Variants in PPP6R3 observed in about 807,000 individuals in gnomAD.
The protein encoded by PPP6R3 is serine/threonine-protein phosphatase 6 regulatory subunit 3.
Under a neutral mutation model 110.7 loss-of-function variants are expected in PPP6R3, and 38 were observed. The observed-to-expected ratio is 0.34, with a 90% CI of 0.26 to 0.45. PPP6R3 has a LOEUF of 0.45. Ranked by LOEUF, PPP6R3 falls within the 20% of genes least tolerant of loss-of-function variation. PPP6R3 has a pLI of 1.00. For synonymous variants in PPP6R3, 369 were observed against 373.5 expected, an observed-to-expected ratio of 0.99 and a Z score of 0.14; for missense variants, 870 against 1,062.4, an observed-to-expected ratio of 0.82 and a Z score of 2.52.
chr11:68,476,622 A>G (rs1056896447), intron 1 of PPP6R3, among the ~76,000 whole-genome samples: 4 of 152,224 alleles, frequency 2.6e-5, no homozygotes, highest in African/African-American at 7.2e-5. Context: ...AAGTTTTGCT[A>G]TGTATAATTT....
intron 1 of PPP6R3, among the ~76,000 whole-genome samples, chr11:68,479,705 T>C (rs2098887996): frequency 6.6e-6 from 1 of 152,112 alleles, no homozygotes; most frequent in South Asian, 2.1e-4. Context: ...TATGTAGAGT[T>C]CTTATTTCTT....
At chr11:68,544,484 G>A (rs2099338651) in intron 3 of PPP6R3, among the ~76,000 whole-genome samples, 1 of 152,228 alleles carries the variant, frequency 6.6e-6, no homozygotes, top group Non-Finnish European at 1.5e-5. Flanking sequence ...TCCCATGCCA[G>A]AGGAGGCTGT....
intron 1 of PPP6R3, 148 bp from the exon 2 acceptor site, chr11:68,519,353 A>C: frequency 2.7e-6 from 1 of 366,144 alleles, no homozygotes; most frequent in Non-Finnish European, 4.8e-6. Context: ...TTCATATAGA[A>C]AAATTTTAGT....
At chr11:68,525,406 T>A (rs2099191496) in intron 2 of PPP6R3, among the ~76,000 whole-genome samples, 1 of 152,234 alleles carries the variant, frequency 6.6e-6, no homozygotes, top group Admixed American at 6.5e-5. Flanking sequence ...ATAAAGACCA[T>A]TCTCTGTTGA....
chr11:68,546,084 A>G (rs866396598), intron 4 of PPP6R3, among the ~76,000 whole-genome samples: 9 of 152,244 alleles, frequency 5.9e-5, no homozygotes, highest in Non-Finnish European at 2.9e-5. Context: ...AAGTGGATAC[A>G]TGCTTTATTT....
intron 1 of PPP6R3, among the ~76,000 whole-genome samples, chr11:68,463,703 A>G (rs193084460): frequency 3.3e-5 from 5 of 152,362 alleles, no homozygotes; most frequent in African/African-American, 1.2e-4. Context: ...ATGTACTGAA[A>G]AAAAGATCTG....
rs1188325855 is a variant in PPP6R3, at chr11:68,583,027, A to G, written c.1546-16A>G. The G allele has an allele frequency of 4.1e-6, 6 of 1,466,032 alleles. No individual in the cohort carries two copies. Among genetic ancestry groups the G allele is most frequent in the Admixed American group, 2.5e-5 (1 of 40,748 alleles). 90.8% of individuals were successfully genotyped at this position (1,466,032 alleles called of 1,614,324 possible). ...TTTTCTATGTTAAATAGTCTTTTAC[A>G]TTTTTATGCATATAGGTTACAACCT... On this transcript the variant is annotated splice_polypyrimidine_tract_variant and intron_variant, in intron 14 of 23. Transcript: ENST00000393800.
intron 1 of PPP6R3, among the ~76,000 whole-genome samples, chr11:68,463,744 C>G (rs2098725054): frequency 6.6e-6 from 1 of 152,206 alleles, no homozygotes; most frequent in Non-Finnish European, 1.5e-5. Context: ...TTTCATATTT[C>G]TTTCCTTTCT....
intron 13 of PPP6R3, 96 bp from the exon 14 acceptor site, chr11:68,575,862 G>C (rs1438844528): frequency 1.2e-6 from 1 of 826,772 alleles, no homozygotes; most frequent in Non-Finnish European, 1.9e-6. Context: ...TGATGAACCA[G>C]GTGAGTAGGC....
At chr11:68,512,203 G>A (rs1328929644) in intron 1 of PPP6R3, among the ~76,000 whole-genome samples, 1 of 152,172 alleles carries the variant, frequency 6.6e-6, no homozygotes, top group African/African-American at 2.4e-5. Context: ...ATCATAGGCT[G>A]GGTGGCTTAA....
At chr11:68,502,055 T>C (rs584118) in intron 1 of PPP6R3, among the ~76,000 whole-genome samples, 148,756 of 152,336 alleles carry the variant, frequency 0.98, 72,712 homozygotes, top group East Asian at 1. Context: ...TAAGTGAGGA[T>C]TTACTGTGTA....
chr11:68,520,457 A>G (rs943439767), intron 2 of PPP6R3, among the ~76,000 whole-genome samples: 1 of 152,078 alleles, frequency 6.6e-6, no homozygotes, highest in African/African-American at 2.4e-5. Context: ...GCCTGGAGAG[A>G]TACTATGGTG....
chr11:68,556,791 C>T (rs1257706417), intron 7 of PPP6R3, among the ~76,000 whole-genome samples: 1 of 152,136 alleles, frequency 6.6e-6, no homozygotes, highest in African/African-American at 2.4e-5. Flanking sequence ...ATTATTTCTT[C>T]TGGGTTTGGT....
rs189620142 is a variant in PPP6R3, at chr11:68,606,311, T to C, written c.2450+2819T>C. 6.1e-3 allele frequency among the ~76,000 whole-genome samples: 922 copies of C among 151,930 alleles called. 3 individuals carry two copies. The highest frequency in any genetic ancestry group is 0.01 in the Non-Finnish European group (699 of 67,982). On this transcript the variant is annotated intron_variant, in intron 22 of 23. Coordinates refer to ENST00000393800, the MANE Select transcript of PPP6R3 (RefSeq NM_001164161.2). ...CTCTTCCTCCTCCCTCCTTCCTCCT[T>C]CTTTCTTCTTCTTTCTTCTTTCTTC...
intron 1 of PPP6R3, among the ~76,000 whole-genome samples, chr11:68,515,326 C>G (rs1454318613): frequency 1.3e-5 from 2 of 152,302 alleles, no homozygotes; most frequent in African/African-American, 2.4e-5. Context: ...CTGTCGGGGG[C>G]TTGGTAACTC....
intron 14 of PPP6R3, among the ~76,000 whole-genome samples, chr11:68,579,078 G>T (rs2099543129): frequency 6.6e-6 from 1 of 152,236 alleles, no homozygotes; most frequent in Admixed American, 6.5e-5. Flanking sequence ...AAGACAGTGT[G>T]TAGAAGAAGA....
intron 16 of PPP6R3, 52 bp downstream of exon 16, chr11:68,588,076 G>A (rs559297156): frequency 1.4e-6 from 2 of 1,443,230 alleles, no homozygotes; most frequent in African/African-American, 2.8e-5. Context: ...CTTGCTCTTG[G>A]TAGATGTATG....
At chr11:68,594,325 AGAGAGAGAGT>A (rs1354031501) in intron 18 of PPP6R3, among the ~76,000 whole-genome samples, 7 of 128,472 alleles carry the variant, frequency 5.4e-5, no homozygotes, top group Non-Finnish European at 1.1e-4. Context: ...AGAGAAAAAG[AGAGAGAGAGT>A]GAGAGAGAGA....
intron 1 of PPP6R3, among the ~76,000 whole-genome samples, chr11:68,504,655 T>C (rs908613446): frequency 1.3e-5 from 2 of 152,200 alleles, no homozygotes; most frequent in Non-Finnish European, 2.9e-5. Flanking sequence ...CTGGTACAAT[T>C]TGAGAGCCCT....
Sources: gnomAD v4.1 joint callset for allele counts (sites outside exome capture counted in the v4.1 genomes callset) on GRCh38, gnomAD v4.1.1 for gene constraint, MANE v1.5 for transcripts, NCBI Gene and HGNC (gene_info 2026-07-23, HGNC 2026-07-21) for gene names.